DPY19L3: variants seen among roughly 807,000 people sequenced by gnomAD.
DPY19L3 encodes the protein protein C-mannosyl-transferase DPY19L3.
A neutral mutation model predicts 92.3 loss-of-function variants in DPY19L3; 51 were observed. That is an observed-to-expected ratio of 0.55 (90% CI 0.44 to 0.70). The LOEUF is 0.70. Among genes scored for constraint, DPY19L3 ranks in the 30% least tolerant of loss-of-function variants. The pLI, the probability that DPY19L3 is intolerant of heterozygous loss-of-function variation, is 0.00. For missense variants in DPY19L3, 706 were observed against 855.9 expected (o/e 0.82, Z 2.18); for synonymous variants, 309 against 315.2 (o/e 0.98, Z 0.21).
At chr19:32,423,422 G>GTTTTTTT (rs1599601418) in intron 3 of DPY19L3, among the ~76,000 whole-genome samples, 1 of 48,484 alleles carries the variant, frequency 2.1e-5, no homozygotes. Flanking sequence ...TTTTTTTTTG[G>GTTTTTTT]TATTTTTAGT....
intron 3 of DPY19L3, among the ~76,000 whole-genome samples, chr19:32,425,565 A>G (rs1272260015): frequency 6.6e-6 from 1 of 152,124 alleles, no homozygotes; most frequent in East Asian, 1.9e-4. Flanking sequence ...AAAAAAAAGA[A>G]AAAAATTAAG....
Position 32,455,040 on chromosome 19 carries a change from G to T in DPY19L3, c.1089G>T (p.Lys363Asn). 2 of 1,484,890 alleles carry T rather than the reference G, an allele frequency of 1.3e-6. No homozygotes were observed. Among genetic ancestry groups the T allele is most frequent in the Non-Finnish European group, 1.8e-6 (2 of 1,101,152 alleles). 92.0% of individuals were successfully genotyped at this position (1,484,890 alleles called of 1,614,324 possible). ...CACTTTTTCTCAACAACATAATTAA[G>T]GTAAGTTAATAAAAATGACATGTTT... ...CLTLFLNNII[K>N]KILNLKSDEH... The change falls in exon 10 of 19, where the codon AAG becomes AAT. Residue 363 changes from lysine to asparagine, a missense_variant and splice_region_variant. Transcript: ENST00000392250.
intron 1 of DPY19L3, among the ~76,000 whole-genome samples, chr19:32,407,041 G>C (rs1967984273): frequency 7.0e-6 from 1 of 142,862 alleles, no homozygotes; most frequent in South Asian, 2.2e-4. Context: ...TACATGAATT[G>C]TATAATGTTA....
chr19:32,408,113 T>C, intron 1 of DPY19L3, 104 bp from the exon 2 acceptor site: 1 of 630,238 alleles, frequency 1.6e-6, no homozygotes, highest in Non-Finnish European at 2.8e-6. Flanking sequence ...GAGGGCATGC[T>C]AATAGAGGGA....
intron 18 of DPY19L3, 157 bp downstream of exon 18, chr19:32,480,714 C>A: frequency 1.9e-6 from 2 of 1,075,718 alleles, no homozygotes; most frequent in Non-Finnish European, 1.3e-6. Context: ...GAAGCCCTCT[C>A]TTGGCACTTT....
chr19:32,420,543 C>CA (rs1480167825), intron 3 of DPY19L3, among the ~76,000 whole-genome samples: 1 of 152,038 alleles, frequency 6.6e-6, no homozygotes, highest in Non-Finnish European at 1.5e-5. Flanking sequence ...CTCCCGAGTT[C>CA]AAGCGATTCT....
chr19:32,448,027 T>G (rs1969573371), intron 8 of DPY19L3, among the ~76,000 whole-genome samples: 1 of 152,132 alleles, frequency 6.6e-6, no homozygotes, highest in Non-Finnish European at 1.5e-5. Flanking sequence ...GAGTGATAGA[T>G]ACACGAAAAG....
chr19:32,434,705 A>G (rs1969081628), intron 4 of DPY19L3, among the ~76,000 whole-genome samples: 1 of 152,166 alleles, frequency 6.6e-6, no homozygotes, highest in Admixed American at 6.5e-5. Flanking sequence ...AACACGACAG[A>G]CTCTTAAATG....
intron 15 of DPY19L3, chr19:32,467,984 T>C: frequency 1.0e-6 from 1 of 985,150 alleles, no homozygotes; most frequent in Non-Finnish European, 1.2e-6. Context: ...GCCCTACATT[T>C]AAATATTATT....
chr19:32,446,468 C>G (rs1969502545), intron 8 of DPY19L3, among the ~76,000 whole-genome samples: 1 of 152,014 alleles, frequency 6.6e-6, no homozygotes, highest in South Asian at 2.1e-4. Context: ...CAGCTGTTGT[C>G]TAAAACACAC....
intron 4 of DPY19L3, among the ~76,000 whole-genome samples, chr19:32,435,715 G>C (rs1291277828): frequency 2.0e-5 from 3 of 152,204 alleles, no homozygotes; most frequent in African/African-American, 7.2e-5. Context: ...CAAGGTTGAG[G>C]ATCTTCTCCT....
At chr19:32,440,077 G>C (rs986221928) in intron 8 of DPY19L3, among the ~76,000 whole-genome samples, 167 bp downstream of exon 8, 3 of 152,160 alleles carry the variant, frequency 2.0e-5, no homozygotes, top group African/African-American at 7.2e-5. Flanking sequence ...ATGAAGCCTA[G>C]TTTGACCATC....
intron 3 of DPY19L3, among the ~76,000 whole-genome samples, chr19:32,415,122 C>T (rs1273550303): frequency 6.6e-6 from 1 of 152,182 alleles, no homozygotes; most frequent in Admixed American, 6.5e-5. Context: ...TAAGATAAGG[C>T]CATGCCCCCA....
intron 15 of DPY19L3, 58 bp from the exon 16 acceptor site, chr19:32,468,673 G>A: frequency 6.3e-7 from 1 of 1,590,854 alleles, no homozygotes; most frequent in Non-Finnish European, 8.5e-7. Context: ...TAATCTTAGT[G>A]ATAGTTGTGG....
intron 12 of DPY19L3, among the ~76,000 whole-genome samples, chr19:32,460,855 T>TTGTTTTGTTC: frequency 7.1e-6 from 1 of 141,740 alleles, no homozygotes; most frequent in South Asian, 2.2e-4. Flanking sequence ...TTGTTTTGTT[T>TTGTTTTGTTC]TGTTTTGTTT....
At chr19:32,406,047 G>C (rs1360458525) in intron 1 of DPY19L3, 138 bp downstream of exon 1, 4 of 151,362 alleles carry the variant, frequency 2.6e-5, no homozygotes, top group Non-Finnish European at 4.4e-5. Context: ...GGGCGCGGCC[G>C]CGGCGTCGGG....
At position 32,408,281 on chromosome 19, in the gene DPY19L3, A is replaced by G. The variant is rs139491664; in HGVS notation, c.28A>G (p.Ile10Val). ...GATGTCCATCCGGCAAAGAAGAGAA[A>G]TAAGAGCCACAGAAGTTTCTGAAGA... MMSIRQRRE[I>V]RATEVSEDFP... Residue 10 changes from isoleucine (I) to valine (V), a missense_variant, in exon 2 of 19, where the codon ATA (isoleucine) becomes GTA (valine). Coordinates refer to ENST00000392250, the MANE Select transcript of DPY19L3 (RefSeq NM_001172774.2). 6.2e-6 allele frequency: 10 copies of G among 1,613,558 alleles called. No individual in the cohort carries two copies. Among genetic ancestry groups the G allele is most frequent in the African/African-American group, 1.3e-5 (1 of 75,008 alleles).
chr19:32,465,457 T>C (rs1970172024), intron 15 of DPY19L3, among the ~76,000 whole-genome samples: 1 of 152,244 alleles, frequency 6.6e-6, no homozygotes, highest in African/African-American at 2.4e-5. Context: ...TTTTATCCAA[T>C]TGAGCTTCTG....
chr19:32,451,380 G>A (rs560087819), intron 8 of DPY19L3, among the ~76,000 whole-genome samples: 1 of 152,122 alleles, frequency 6.6e-6, no homozygotes, highest in South Asian at 2.1e-4. Context: ...TCTTTTTTGT[G>A]TTTTTCTGAA....
Sources: gnomAD v4.1 joint callset for allele counts (sites outside exome capture counted in the v4.1 genomes callset) on GRCh38, gnomAD v4.1.1 for gene constraint, MANE v1.5 for transcripts, NCBI Gene and HGNC (gene_info 2026-07-23, HGNC 2026-07-21) for gene names.